Variants in TBC1D5 observed in about 807,000 individuals in gnomAD.
The protein encoded by TBC1D5 is TBC1 domain family member 5, also known as TBC1 domain family, member 5.
A neutral mutation model predicts 100.3 loss-of-function variants in TBC1D5; 75 were observed. The observed-to-expected ratio is 0.75, with a 90% CI of 0.62 to 0.91. TBC1D5 has a LOEUF of 0.91. Ranked by LOEUF, TBC1D5 falls within the 40% of genes least tolerant of loss-of-function variation. The pLI is 0.00. For missense variants in TBC1D5, 910 were observed against 942.4 expected, an observed-to-expected ratio of 0.97 and a Z score of 0.45; for synonymous variants, 323 against 325.6, an observed-to-expected ratio of 0.99 and a Z score of 0.09.
At chr3:17,506,250 T>C (rs2095843923) in intron 3 of TBC1D5, among the ~76,000 whole-genome samples, 1 of 152,152 alleles carries the variant, frequency 6.6e-6, no homozygotes, top group Non-Finnish European at 1.5e-5. Context: ...CATTTTCCTG[T>C]AAAAAGAAAA....
chr3:17,309,416 A>T (rs2083746939), intron 13 of TBC1D5, among the ~76,000 whole-genome samples: 1 of 151,910 alleles, frequency 6.6e-6, no homozygotes. Flanking sequence ...TTAAATGCCG[A>T]AGTATTGTTT....
intron 3 of TBC1D5, among the ~76,000 whole-genome samples, chr3:17,481,356 G>A (rs778155716): frequency 6.6e-6 from 1 of 152,196 alleles, no homozygotes; most frequent in Non-Finnish European, 1.5e-5. Flanking sequence ...AGCACAGCCT[G>A]CCAAGCCAAG....
At chr3:17,525,957 C>T (rs893701586) in intron 2 of TBC1D5, among the ~76,000 whole-genome samples, 1 of 152,088 alleles carries the variant, frequency 6.6e-6, no homozygotes, top group Non-Finnish European at 1.5e-5. Flanking sequence ...TAAAGTTAAT[C>T]TCAAATGCTT....
intron 3 of TBC1D5, among the ~76,000 whole-genome samples, chr3:17,500,418 G>A (rs1414169822): frequency 3.4e-5 from 5 of 149,120 alleles, no homozygotes; most frequent in African/African-American, 2.6e-5. Context: ...AATATTCTTC[G>A]CCATCTAAAT....
intron 13 of TBC1D5, among the ~76,000 whole-genome samples, chr3:17,309,926 C>T (rs2083819124): frequency 6.6e-6 from 1 of 152,102 alleles, no homozygotes; most frequent in Admixed American, 6.6e-5. Context: ...ATTCGGCTGA[C>T]ACAACTTTCC....
At chr3:17,265,367 C>T (rs1046597633) in intron 15 of TBC1D5, among the ~76,000 whole-genome samples, 4 of 151,920 alleles carry the variant, frequency 2.6e-5, no homozygotes, top group African/African-American at 9.7e-5. Flanking sequence ...CTTTCTTTCC[C>T]CTAATATCTT....
chr3:17,441,968 T>C (rs1054056331), intron 3 of TBC1D5, among the ~76,000 whole-genome samples: 1 of 150,996 alleles, frequency 6.6e-6, no homozygotes, highest in Non-Finnish European at 1.5e-5. Flanking sequence ...AACAATTTAG[T>C]ACTCTGGGCA....
At chr3:17,635,029 C>T (rs867087859) in intron 1 of TBC1D5, among the ~76,000 whole-genome samples, 2 of 152,136 alleles carry the variant, frequency 1.3e-5, no homozygotes, top group Middle Eastern at 3.4e-3. Flanking sequence ...ATAATGAGTT[C>T]AATACTATAA....
chr3:17,346,210 AT>A (rs1237295043), intron 13 of TBC1D5, among the ~76,000 whole-genome samples: 1 of 152,216 alleles, frequency 6.6e-6, no homozygotes, highest in Non-Finnish European at 1.5e-5. Context: ...AGCTTTATGA[AT>A]TTTGAAACAA....
intron 8 of TBC1D5, among the ~76,000 whole-genome samples, chr3:17,389,711 T>C (rs779309441): frequency 9.9e-5 from 15 of 152,244 alleles, no homozygotes; most frequent in Non-Finnish European, 2.1e-4. Flanking sequence ...CCTGCTCAAG[T>C]TGTAGATTCA....
At chr3:17,274,010 A>AT (rs1223359113) in intron 15 of TBC1D5, among the ~76,000 whole-genome samples, 1 of 76,712 alleles carries the variant, frequency 1.3e-5, no homozygotes, top group African/African-American at 5.2e-5. Context: ...ACTGTATTTA[A>AT]TTAAAAAAAA....
intron 16 of TBC1D5, among the ~76,000 whole-genome samples, chr3:17,252,056 T>C (rs1276979219): frequency 6.6e-6 from 1 of 152,216 alleles, no homozygotes; most frequent in African/African-American, 2.4e-5. Context: ...AGAACATTCA[T>C]GGATTTTCTG....
chr3:17,724,088 T>G (rs1403203159), intron 1 of TBC1D5, among the ~76,000 whole-genome samples: 2 of 151,074 alleles, frequency 1.3e-5, no homozygotes, highest in Non-Finnish European at 3.0e-5. Flanking sequence ...TTTTTTTTTT[T>G]TTTTTTTGAG....
intron 1 of TBC1D5, among the ~76,000 whole-genome samples, chr3:17,712,224 C>T (rs570495362): frequency 1.3e-5 from 2 of 152,126 alleles, no homozygotes; most frequent in South Asian, 4.2e-4. Context: ...AACAGAAACC[C>T]ACACAAAGTT....
intron 1 of TBC1D5, among the ~76,000 whole-genome samples, chr3:17,727,654 A>G (rs1282189138): frequency 1.3e-5 from 2 of 152,258 alleles, no homozygotes; most frequent in East Asian, 3.8e-4. Context: ...AATTTAACAC[A>G]TAAATAACCA....
intron 13 of TBC1D5, among the ~76,000 whole-genome samples, chr3:17,370,651 A>G (rs951361542): frequency 2.6e-5 from 4 of 152,216 alleles, no homozygotes; most frequent in African/African-American, 4.8e-5. Context: ...AGACTTCTTC[A>G]GTCACAGTTC....
chr3:17,288,265 G>A (rs1226735247), intron 15 of TBC1D5, among the ~76,000 whole-genome samples: 1 of 152,140 alleles, frequency 6.6e-6, no homozygotes, highest in Non-Finnish European at 1.5e-5. Context: ...TAAACTTGCT[G>A]TTTTTCTCAC....
At chr3:17,726,955 C>CT (rs2153977632) in intron 1 of TBC1D5, among the ~76,000 whole-genome samples, 1 of 152,294 alleles carries the variant, frequency 6.6e-6, no homozygotes, top group South Asian at 2.1e-4. Flanking sequence ...CTTACCAAAT[C>CT]TAACAGATCA....
intron 15 of TBC1D5, among the ~76,000 whole-genome samples, chr3:17,265,696 G>T (rs1211081333): frequency 1.3e-5 from 2 of 152,146 alleles, no homozygotes; most frequent in Non-Finnish European, 2.9e-5. Flanking sequence ...AGCCATGGAA[G>T]AAGAGTTAGT....
Sources: gnomAD v4.1 joint callset for allele counts (sites outside exome capture counted in the v4.1 genomes callset) on GRCh38, gnomAD v4.1.1 for gene constraint, MANE v1.5 for transcripts, NCBI Gene and HGNC (gene_info 2026-07-23, HGNC 2026-07-21) for gene names.